Variants in PDE1A observed in about 807,000 individuals in gnomAD.
PDE1A encodes the protein dual specificity calcium/calmodulin-dependent 3',5'-cyclic nucleotide phosphodiesterase 1A.
A neutral mutation model predicts 61.7 loss-of-function variants in PDE1A; 35 were observed. The observed-to-expected ratio is 0.57, with a 90% CI of 0.43 to 0.75. PDE1A has a LOEUF of 0.75. Ranked by LOEUF, PDE1A falls within the 30% of genes least tolerant of loss-of-function variation. The pLI, the probability that PDE1A is intolerant of heterozygous loss-of-function variation, is 0.00. For missense variants in PDE1A, 597 were observed against 630.6 expected, an observed-to-expected ratio of 0.95 and a Z score of 0.57; for synonymous variants, 232 against 213.2, an observed-to-expected ratio of 1.09 and a Z score of -0.77.
chr2:182,199,933 G>T (rs1686474463), intron 10 of PDE1A, among the ~76,000 whole-genome samples: 1 of 151,558 alleles, frequency 6.6e-6, no homozygotes. Flanking sequence ...TTCAGAACAG[G>T]TATAAAATTA....
At chr2:182,293,869 C>T (rs1191979343) in intron 1 of PDE1A, among the ~76,000 whole-genome samples, 2 of 152,198 alleles carry the variant, frequency 1.3e-5, no homozygotes, top group East Asian at 3.9e-4. Flanking sequence ...ATGACATAGG[C>T]ATTGTGAGGT....
At chr2:182,284,766 A>G (rs981035329) in intron 1 of PDE1A, among the ~76,000 whole-genome samples, 18 of 152,142 alleles carry the variant, frequency 1.2e-4, no homozygotes, top group Non-Finnish European at 2.6e-4. Flanking sequence ...ATATAGGATC[A>G]TGTTGAATAT....
intron 1 of PDE1A, among the ~76,000 whole-genome samples, chr2:182,400,745 C>A (rs547230146): frequency 3.9e-5 from 6 of 152,154 alleles, no homozygotes; most frequent in Non-Finnish European, 8.8e-5. Flanking sequence ...ATTAGGAAAT[C>A]AAGGCCAAAG....
intron 13 of PDE1A, among the ~76,000 whole-genome samples, chr2:182,182,916 A>G (rs1684890634): frequency 6.6e-6 from 1 of 152,072 alleles, no homozygotes; most frequent in African/African-American, 2.4e-5. Flanking sequence ...ATTATCCCCA[A>G]TTTCCATAGT....
chr2:182,350,884 T>C (rs1437158362), intron 1 of PDE1A, among the ~76,000 whole-genome samples: 1 of 152,198 alleles, frequency 6.6e-6, no homozygotes, highest in African/African-American at 2.4e-5. Flanking sequence ...CACCTATCAT[T>C]ACTCCCTGCC....
chr2:182,307,765 T>C (rs1695686180), intron 1 of PDE1A, among the ~76,000 whole-genome samples: 1 of 152,100 alleles, frequency 6.6e-6, no homozygotes, highest in African/African-American at 2.4e-5. Flanking sequence ...CCTAGCTACC[T>C]GGGAAACTGA....
intron 1 of PDE1A, among the ~76,000 whole-genome samples, chr2:182,411,885 C>A (rs554312695): frequency 6.6e-6 from 1 of 151,890 alleles, no homozygotes; most frequent in African/African-American, 2.4e-5. Flanking sequence ...TAGTGAAACC[C>A]CGTCTCTACT....
chr2:182,303,714 A>C (rs532861166), intron 1 of PDE1A, among the ~76,000 whole-genome samples: 24 of 152,202 alleles, frequency 1.6e-4, no homozygotes, highest in Non-Finnish European at 2.4e-4. Context: ...TTTAGCAATG[A>C]AAGTACTAGA....
chr2:182,394,116 T>C (rs930081675), intron 1 of PDE1A, among the ~76,000 whole-genome samples: 1 of 152,158 alleles, frequency 6.6e-6, no homozygotes, highest in African/African-American at 2.4e-5. Flanking sequence ...CCCCAATCTA[T>C]TGGTGCCAAT....
intron 7 of PDE1A, among the ~76,000 whole-genome samples, chr2:182,207,788 GCCAGGCCTATGGCCT>G (rs937424135): frequency 6.6e-6 from 1 of 152,212 alleles, no homozygotes; most frequent in African/African-American, 2.4e-5. Context: ...GGATTCATGG[GCCAGGCCTATGGCCT>G]CCACTGCTCT....
intron 13 of PDE1A, among the ~76,000 whole-genome samples, chr2:182,162,824 C>A (rs575805016): frequency 6.6e-6 from 1 of 152,164 alleles, no homozygotes; most frequent in Non-Finnish European, 1.5e-5. Context: ...GTCCCCGAAC[C>A]CATAAGGTAG....
chr2:182,548,345 C>A, the PDE1A span, among the ~76,000 whole-genome samples: 1 of 152,076 alleles, frequency 6.6e-6, no homozygotes, highest in Non-Finnish European at 1.5e-5. Flanking sequence ...CAACGGCAAG[C>A]TTGATTTTTA....
chr2:182,498,577 C>T (rs919730020), intron 2 of PDE1A, among the ~76,000 whole-genome samples: 13 of 151,862 alleles, frequency 8.6e-5, no homozygotes, highest in African/African-American at 3.1e-4. Context: ...ATTCTCCATA[C>T]TGAAAGGCAT....
chr2:182,596,107 G>A, the PDE1A span, among the ~76,000 whole-genome samples: 1 of 152,152 alleles, frequency 6.6e-6, no homozygotes, highest in East Asian at 1.9e-4. Context: ...GTTTCATAAG[G>A]GAGTATTTGA....
chr2:182,301,897 T>G (rs1695268896), intron 1 of PDE1A, among the ~76,000 whole-genome samples: 3 of 152,184 alleles, frequency 2.0e-5, no homozygotes, highest in African/African-American at 7.2e-5. Context: ...TGGCCAAGGA[T>G]GAGAGGAATC....
chr2:182,538,587 T>C, the PDE1A span, among the ~76,000 whole-genome samples: 1 of 152,196 alleles, frequency 6.6e-6, no homozygotes, highest in Non-Finnish European at 1.5e-5. Context: ...TGTTTGACTA[T>C]ACACATTTCA....
At chr2:182,542,491 T>G in the PDE1A span, among the ~76,000 whole-genome samples, 1 of 152,192 alleles carries the variant, frequency 6.6e-6, no homozygotes, top group South Asian at 2.1e-4. Context: ...GTAAATTTAA[T>G]GAATATATTA....
chr2:182,409,569 C>A (rs954835147), intron 1 of PDE1A, among the ~76,000 whole-genome samples: 1 of 152,112 alleles, frequency 6.6e-6, no homozygotes, highest in Non-Finnish European at 1.5e-5. Context: ...CATGAAAAAG[C>A]CTTCAAACAA....
intron 1 of PDE1A, among the ~76,000 whole-genome samples, chr2:182,340,777 CA>C (rs1313846277): frequency 6.6e-6 from 1 of 152,120 alleles, no homozygotes; most frequent in Admixed American, 6.5e-5. Context: ...TTTAACAGAT[CA>C]AATGGATATA....
Sources: gnomAD v4.1 joint callset for allele counts (sites outside exome capture counted in the v4.1 genomes callset) on GRCh38, gnomAD v4.1.1 for gene constraint, MANE v1.5 for transcripts, NCBI Gene and HGNC (gene_info 2026-07-23, HGNC 2026-07-21) for gene names.